DACH2: variants seen among roughly 807,000 people sequenced by gnomAD.
The protein encoded by DACH2 is dachshund family transcription factor 2, also known as dachshund homolog 2.
Under a neutral mutation model 35.8 loss-of-function variants are expected in DACH2, and 17 were observed. The observed-to-expected ratio is 0.48, with a 90% CI of 0.33 to 0.71. The LOEUF (loss-of-function observed/expected upper bound fraction) is 0.71. Among genes scored for constraint, DACH2 ranks in the 30% least tolerant of loss-of-function variants. The pLI is 0.02. For synonymous variants in DACH2, 195 were observed against 177.3 expected, an observed-to-expected ratio of 1.10 and a Z score of -0.79; for missense variants, 469 against 472.7, an observed-to-expected ratio of 0.99 and a Z score of 0.07.
At chrX:86,284,665 G>A (rs1021112525) in intron 1 of DACH2, among the ~76,000 whole-genome samples, 1 of 110,901 alleles carries the variant, frequency 9.0e-6, no homozygotes, top group African/African-American at 3.3e-5. Flanking sequence ...AGAATTGTTT[G>A]AGTAGGATTG....
chrX:86,483,878 A>G (rs2037980722), intron 2 of DACH2, among the ~76,000 whole-genome samples: 1 of 111,136 alleles, frequency 9.0e-6, no homozygotes, highest in Non-Finnish European at 1.9e-5. Context: ...TGTTTTTGCT[A>G]CATCTAAAGC....
At chrX:86,470,886 G>T (rs966224092) in intron 2 of DACH2, among the ~76,000 whole-genome samples, 5 of 111,149 alleles carry the variant, frequency 4.5e-5, no homozygotes, top group Admixed American at 9.6e-5. Context: ...CTAAAATAAG[G>T]ATTTGACCTA....
At chrX:86,314,989 A>G (rs778748202) in intron 1 of DACH2, among the ~76,000 whole-genome samples, 2 of 112,545 alleles carry the variant, frequency 1.8e-5, no homozygotes, top group South Asian at 7.4e-4. Context: ...ACATTAAACA[A>G]CAGATTTTCA....
chrX:86,266,053 C>T (rs1467674605), intron 1 of DACH2, among the ~76,000 whole-genome samples: 1 of 111,301 alleles, frequency 9.0e-6, no homozygotes, highest in Non-Finnish European at 1.9e-5. Flanking sequence ...TTTCAACCAA[C>T]AAAATGAACT....
intron 3 of DACH2, among the ~76,000 whole-genome samples, chrX:86,516,714 C>T (rs2038473459): frequency 9.0e-6 from 1 of 110,817 alleles, no homozygotes; most frequent in African/African-American, 3.3e-5. Flanking sequence ...CTCCCTCTTC[C>T]TGCCCCTTCT....
At chrX:86,336,569 G>T (rs1421361876) in intron 1 of DACH2, among the ~76,000 whole-genome samples, 1 of 111,413 alleles carries the variant, frequency 9.0e-6, no homozygotes, top group African/African-American at 3.3e-5. Context: ...CCCCATAGAA[G>T]GTCACCCACA....
rs544479698 is a variant in DACH2 at position 86,509,266 on chromosome X, C to T, written c.528-5013C>T. Among the ~76,000 whole-genome samples, 3 of 111,870 alleles carry T rather than the reference C, an allele frequency of 2.7e-5. No individual in the cohort carries two copies. In the Admixed American group the frequency reaches 2.9e-4, roughly 11 times the overall value. ...TGTTTTTAATTCTTTGTATTGATCA[C>T]TCCTGAAGACATGATGAACCATACT... On this transcript the variant is annotated intron_variant, in intron 2 of 11. Coordinates refer to ENST00000373125, the MANE Select transcript of DACH2 (RefSeq NM_053281.3).
chrX:86,540,000 A>C (rs1305153001), intron 3 of DACH2, among the ~76,000 whole-genome samples: 2 of 111,695 alleles, frequency 1.8e-5, no homozygotes, highest in East Asian at 5.6e-4. Flanking sequence ...AATTAATTAA[A>C]AGTGTGAATG....
At chrX:86,259,535 A>T (rs73516033) in intron 1 of DACH2, among the ~76,000 whole-genome samples, 3,598 of 111,528 alleles carry the variant, frequency 0.032, 138 homozygotes, top group African/African-American at 0.11. Context: ...AATAAGAAAG[A>T]TTTGGAAACA....
intron 9 of DACH2, 79 bp from the exon 10 acceptor site, chrX:86,814,609 A>G (rs2042427120): frequency 2.1e-6 from 2 of 960,426 alleles, no homozygotes; most frequent in Non-Finnish European, 2.9e-6. Flanking sequence ...CTATACTTAT[A>G]TCTGTGGCTT....
chrX:86,734,776 G>C (rs1298137316), intron 6 of DACH2, among the ~76,000 whole-genome samples: 1 of 72,376 alleles, frequency 1.4e-5, no homozygotes, highest in Non-Finnish European at 2.6e-5. Flanking sequence ...TAAAAACAAT[G>C]AGCAAATTTT....
intron 1 of DACH2, among the ~76,000 whole-genome samples, chrX:86,209,178 G>A (rs1482354102): frequency 9.0e-6 from 1 of 111,437 alleles, no homozygotes; most frequent in Non-Finnish European, 1.9e-5. Context: ...TATGGATGTG[G>A]CACTTGTTTA....
At chrX:86,661,890 G>T (rs1011458866) in intron 4 of DACH2, among the ~76,000 whole-genome samples, 11 of 111,803 alleles carry the variant, frequency 9.8e-5, no homozygotes, top group African/African-American at 1.6e-4. Flanking sequence ...CAAATTTCTT[G>T]ATATTCCAAC....
intron 1 of DACH2, among the ~76,000 whole-genome samples, chrX:86,237,104 A>G (rs1213743756): frequency 1.6e-4 from 18 of 111,883 alleles, no homozygotes; most frequent in Non-Finnish European, 9.4e-5. Flanking sequence ...AAAAATAAAC[A>G]TGAGCCTAGG....
intron 3 of DACH2, among the ~76,000 whole-genome samples, chrX:86,609,190 G>C (rs1469488800): frequency 9.0e-6 from 1 of 111,357 alleles, no homozygotes; most frequent in Non-Finnish European, 1.9e-5. Flanking sequence ...TTTTCTGACT[G>C]TATTTTCAAG....
At chrX:86,528,209 G>T (rs2038661525) in intron 3 of DACH2, among the ~76,000 whole-genome samples, 2 of 111,335 alleles carry the variant, frequency 1.8e-5, no homozygotes, top group African/African-American at 6.5e-5. Context: ...GTTTTGCTTA[G>T]GGTCAGTCTA....
chrX:86,420,958 AG>A (rs773753572), intron 2 of DACH2, among the ~76,000 whole-genome samples: 14 of 111,186 alleles, frequency 1.3e-4, no homozygotes, highest in Non-Finnish European at 2.5e-4. Flanking sequence ...TCAAGCCCAA[AG>A]AAAAATATAA....
intron 7 of DACH2, among the ~76,000 whole-genome samples, chrX:86,747,934 T>C (rs959282638): frequency 8.9e-6 from 1 of 112,330 alleles, no homozygotes; most frequent in African/African-American, 3.2e-5. Flanking sequence ...TAACTTTATG[T>C]AATATTCCAA....
chrX:86,805,898 C>T (rs780311243), intron 7 of DACH2, among the ~76,000 whole-genome samples: 3 of 108,523 alleles, frequency 2.8e-5, no homozygotes, highest in Non-Finnish European at 3.9e-5. Context: ...GTCTGGGCTT[C>T]GTTGTCCATA....
Sources: gnomAD v4.1 joint callset for allele counts (sites outside exome capture counted in the v4.1 genomes callset) on GRCh38, gnomAD v4.1.1 for gene constraint, MANE v1.5 for transcripts, NCBI Gene and HGNC (gene_info 2026-07-23, HGNC 2026-07-21) for gene names.